FOXP1: variants seen among roughly 807,000 people sequenced by gnomAD.
FOXP1 encodes forkhead box protein P1.
A neutral mutation model predicts 98.2 loss-of-function variants in FOXP1; 15 were observed. The ratio of observed to expected loss-of-function variants is 0.15; its 90% confidence interval spans 0.10 to 0.24. The LOEUF is 0.24. Ranked by LOEUF, FOXP1 falls within the 10% of genes least tolerant of loss-of-function variation. The pLI is 1.00. For missense variants in FOXP1, 633 were observed against 848.5 expected (o/e 0.75, Z 3.15); for synonymous variants, 371 against 314.5 (o/e 1.18, Z -1.90).
chr3:70,966,201 T>C (rs2107019009), intron 19 of FOXP1, 145 bp from the exon 20 acceptor site: 1 of 837,778 alleles, frequency 1.2e-6, no homozygotes, highest in East Asian at 2.7e-5. Flanking sequence ...TGTTGAAAGA[T>C]TTTGCTTTAA....
chr3:70,969,433 C>T (rs2035705336), intron 19 of FOXP1: 1 of 152,192 alleles, frequency 6.6e-6, no homozygotes, highest in African/African-American at 2.4e-5. Context: ...TGCCTCTAAA[C>T]TGAAACTGGG....
chr3:71,270,084 A>G (rs1434397337), intron 5 of FOXP1, among the ~76,000 whole-genome samples: 1 of 152,132 alleles, frequency 6.6e-6, no homozygotes, highest in East Asian at 1.9e-4. Context: ...ATTACAGCTC[A>G]TGAAAAATAC....
chr3:71,354,437 A>G (rs1193489998), intron 4 of FOXP1, among the ~76,000 whole-genome samples: 1 of 152,202 alleles, frequency 6.6e-6, no homozygotes, highest in Non-Finnish European at 1.5e-5. Flanking sequence ...CTCAATTTCC[A>G]TGGTTTTCTG....
intron 2 of FOXP1, among the ~76,000 whole-genome samples, chr3:71,528,086 C>T (rs1178746883): frequency 2.6e-5 from 4 of 152,142 alleles, no homozygotes; most frequent in Non-Finnish European, 5.9e-5. Flanking sequence ...TTAAGAAATA[C>T]TCACACACCT....
intron 17 of FOXP1, 111 bp from the exon 18 acceptor site, chr3:70,972,787 T>C: frequency 9.2e-7 from 1 of 1,084,104 alleles, no homozygotes; most frequent in Middle Eastern, 2.1e-4. Flanking sequence ...CCCCAAGAGC[T>C]GTAGCTACCA....
intron 3 of FOXP1, among the ~76,000 whole-genome samples, chr3:71,460,125 G>A (rs1252508187): frequency 2.0e-5 from 3 of 151,718 alleles, no homozygotes; most frequent in Non-Finnish European, 2.9e-5. Context: ...TAGTAGAGAC[G>A]GGGTTTCACT....
intron 2 of FOXP1, among the ~76,000 whole-genome samples, chr3:71,567,502 T>G (rs949693329): frequency 1.3e-5 from 2 of 152,192 alleles, no homozygotes; most frequent in African/African-American, 2.4e-5. Context: ...TATCTTAAGA[T>G]TCTAAAATGT....
At chr3:71,169,015 G>T (rs2061518259) in intron 6 of FOXP1, among the ~76,000 whole-genome samples, 1 of 152,210 alleles carries the variant, frequency 6.6e-6, no homozygotes, top group Non-Finnish European at 1.5e-5. Context: ...TTGAAAAAGT[G>T]AAGATGAGCT....
At position 71,039,656 on chromosome 3, in the gene FOXP1, C is replaced by A. The variant is rs192344155; in HGVS notation, c.869+1672G>T. 2.1e-3 allele frequency among the ~76,000 whole-genome samples: 318 copies of A among 151,444 alleles called. 11 individuals are homozygous for A. The highest frequency in any genetic ancestry group is 0.02 in the Admixed American group (310 of 15,202). On this transcript the variant is annotated intron_variant, in intron 11 of 20. Transcript: ENST00000649528. The stretch of plus-strand genomic sequence containing the variant: ...ATAAAGATGTAATTCAATCGCTCTG[C>A]AGCAAATGGACGCATCAACCTTAGG...
chr3:71,422,450 C>T (rs1013536117), intron 3 of FOXP1, among the ~76,000 whole-genome samples: 1 of 152,180 alleles, frequency 6.6e-6, no homozygotes, highest in African/African-American at 2.4e-5. Flanking sequence ...GGTGATGCCG[C>T]GGCTGCTCGT....
chr3:71,311,649 T>C (rs1208450433), intron 4 of FOXP1, among the ~76,000 whole-genome samples: 1 of 152,222 alleles, frequency 6.6e-6, no homozygotes, highest in Non-Finnish European at 1.5e-5. Flanking sequence ...ATTGTCAGTA[T>C]AGCTGGAAAG....
At chr3:71,236,286 C>A (rs958687924) in intron 5 of FOXP1, among the ~76,000 whole-genome samples, 1 of 152,122 alleles carries the variant, frequency 6.6e-6, no homozygotes, top group Admixed American at 6.5e-5. Flanking sequence ...GGGATTACCT[C>A]TTTAGTGTTT....
At chr3:71,475,138 T>TC (rs2089713857) in intron 3 of FOXP1, among the ~76,000 whole-genome samples, 1 of 151,622 alleles carries the variant, frequency 6.6e-6, no homozygotes, top group African/African-American at 2.4e-5. Context: ...CATCTCACCT[T>TC]CCCCCCTGCT....
intron 7 of FOXP1, among the ~76,000 whole-genome samples, chr3:71,104,198 G>C (rs1403633853): frequency 1.3e-5 from 2 of 152,108 alleles, no homozygotes; most frequent in African/African-American, 2.4e-5. Flanking sequence ...AGTCACTCAA[G>C]ACTAAAATCA....
At chr3:70,965,185 G>T (rs2034485782) in intron 20 of FOXP1, among the ~76,000 whole-genome samples, 2 of 152,196 alleles carry the variant, frequency 1.3e-5, no homozygotes, top group African/African-American at 4.8e-5. Flanking sequence ...CTGGGAGAGA[G>T]GGTGTTATAG....
At chr3:71,059,069 TAAC>T (rs2051104902) in intron 7 of FOXP1, among the ~76,000 whole-genome samples, 1 of 152,224 alleles carries the variant, frequency 6.6e-6, no homozygotes, top group Non-Finnish European at 1.5e-5. Context: ...GTCATTAGCA[TAAC>T]AGTTCTCTCA....
rs9837880 is a variant in FOXP1, at chr3:71,193,487, C to T, written c.180+4715G>A. Reference sequence around the variant, plus strand: ...TTTTTTAGACATATTCTCACTTTGTCGCCCAGGCTGGAGTGCAGTGGTGCA... The same window carrying T: ...TTTTTTAGACATATTCTCACTTTGTTGCCCAGGCTGGAGTGCAGTGGTGCA... On this transcript the variant is annotated intron_variant, in intron 6 of 20. Transcript: ENST00000649528. Among the ~76,000 whole-genome samples, 27 of 75,132 alleles carry T rather than the reference C, an allele frequency of 3.6e-4. 3 individuals are homozygous for T. In the East Asian group the frequency reaches 6.7e-3, roughly 19 times the overall value. The allele number at this position is 75,132 out of a possible 152,430, so 49.3% of individuals were successfully genotyped here. A position where few individuals can be genotyped will look rare whatever the true frequency, so the allele number is the denominator to read the frequency against.
chr3:71,521,649 G>C (rs2043001014), intron 2 of FOXP1, among the ~76,000 whole-genome samples: 1 of 152,190 alleles, frequency 6.6e-6, no homozygotes, highest in Non-Finnish European at 1.5e-5. Context: ...TTTCGCTTGG[G>C]CCAGACTAGA....
At chr3:71,168,389 T>C (rs925101366) in intron 6 of FOXP1, among the ~76,000 whole-genome samples, 1 of 152,214 alleles carries the variant, frequency 6.6e-6, no homozygotes, top group Non-Finnish European at 1.5e-5. Context: ...TTTTCACTAT[T>C]ATTAAACTGG....
Sources: gnomAD v4.1 joint callset for allele counts (sites outside exome capture counted in the v4.1 genomes callset) on GRCh38, gnomAD v4.1.1 for gene constraint, MANE v1.5 for transcripts, NCBI Gene and HGNC (gene_info 2026-07-23, HGNC 2026-07-21) for gene names.